SUPT16H: variants seen among roughly 807,000 people sequenced by gnomAD.
SUPT16H encodes SPT16 homolog, facilitates chromatin remodeling subunit, also known as FACT complex subunit SPT16.
Under a neutral mutation model 136.2 loss-of-function variants are expected in SUPT16H, and 24 were observed. The observed-to-expected ratio is 0.18, with a 90% CI of 0.13 to 0.25. SUPT16H has a LOEUF of 0.25. Ranked by LOEUF, SUPT16H falls within the 10% of genes least tolerant of loss-of-function variation. The pLI, the probability that SUPT16H is intolerant of heterozygous loss-of-function variation, is 1.00. For synonymous variants in SUPT16H, 415 were observed against 428.2 expected, an observed-to-expected ratio of 0.97 and a Z score of 0.38; for missense variants, 623 against 1,270.2, an observed-to-expected ratio of 0.49 and a Z score of 7.74.
chr14:21,362,847 C>T lies in SUPT16H; in HGVS notation c.1612G>A (p.Val538Ile), dbSNP rs1886586442. The change falls in exon 14 of 26, where the codon GTA (valine) becomes ATA (isoleucine). Residue 538 changes from valine (V) to isoleucine (I), a missense_variant. By Grantham distance (29) the Val-to-Ile change is conservative. This residue lies in a region of SUPT16H where 62 missense variants were observed against 200.5 expected (regional missense o/e 0.31). Transcript: ENST00000216297. ...KIYIDKKYET[V>I]IMPVFGIATP... ...GCAATGCCAAACACGGGCATTATTA[C>T]AGTCTCATATTTCTTATCGATGTAG... 1 of 1,613,434 alleles carries T rather than the reference C, an allele frequency of 6.2e-7. No homozygotes were observed. Among genetic ancestry groups the T allele is most frequent in the Non-Finnish European group, 8.5e-7 (1 of 1,179,896 alleles).
At chr14:21,377,081 A>G (rs1886918680) in intron 1 of SUPT16H, among the ~76,000 whole-genome samples, 1 of 151,558 alleles carries the variant, frequency 6.6e-6, no homozygotes, top group African/African-American at 2.4e-5. Flanking sequence ...AAAAAGAAAA[A>G]AAAAAAAAAA....
intron 7 of SUPT16H, among the ~76,000 whole-genome samples, chr14:21,367,771 C>T (rs769421999): frequency 6.6e-6 from 1 of 152,220 alleles, no homozygotes; most frequent in Non-Finnish European, 1.5e-5. Context: ...ATGTAAACCA[C>T]AATGATCACT....
In SUPT16H at chr14:21,355,379, G is replaced by C. The variant is rs9944050; in HGVS notation, c.2661-839C>G. ...ATGGTAGCACGCGCCTGTAGTCCCA[G>C]CTACTTGGGAGGCTGAAGCAGGAGA... On this transcript the variant is annotated intron_variant, in intron 22 of 25. Transcript: ENST00000216297. Among the ~76,000 whole-genome samples, 549 of 152,092 alleles carry C rather than the reference G, an allele frequency of 3.6e-3. 6 individuals are homozygous for C. Among genetic ancestry groups the C allele is most frequent in the African/African-American group, 0.012 (503 of 41,498 alleles).
At chr14:21,372,101 C>A in intron 2 of SUPT16H, 57 bp from the exon 3 acceptor site, 1 of 1,526,730 alleles carries the variant, frequency 6.5e-7, no homozygotes, top group South Asian at 1.2e-5. Flanking sequence ...TTAATGGACT[C>A]ATATAGATAT....
In SUPT16H at chr14:21,352,807, T is replaced by C; in HGVS notation, c.3010A>G (p.Ser1004Gly). 6.2e-7 allele frequency: 1 copy of C among 1,614,074 alleles called. No homozygotes were observed. The highest frequency in any genetic ancestry group is 8.5e-7 in the Non-Finnish European group (1 of 1,179,996). The change falls in exon 26 of 26, where the codon AGT becomes GGT. Residue 1004 changes from serine to glycine, a missense_variant. Physicochemically the swap from Ser to Gly is moderately conservative, Grantham distance 56 (BLOSUM62 0). Coordinates refer to ENST00000216297, the MANE Select transcript of SUPT16H (RefSeq NM_007192.4). ...EEEARKADRESRYEEEEEQSR... is the reference protein window; with the variant it reads ...EEEARKADREGRYEEEEEQSR... ...TGTTCTTCTTCTTCCTCGTAACGAC[T>C]TTCTCGGTCCGCTAAATAGAAGAGG...
intron 1 of SUPT16H, among the ~76,000 whole-genome samples, chr14:21,380,141 G>A (rs910678743): frequency 4.6e-5 from 7 of 151,762 alleles, no homozygotes; most frequent in Non-Finnish European, 8.8e-5. Flanking sequence ...CACTATATTC[G>A]GTATTATAAG....
intron 2 of SUPT16H, 108 bp from the exon 3 acceptor site, chr14:21,372,152 A>G: frequency 1.6e-6 from 2 of 1,268,826 alleles, no homozygotes; most frequent in Non-Finnish European, 2.1e-6. Context: ...TCTGAAATTA[A>G]CTCCAAGGTA....
At chr14:21,359,160 CTA>C (rs781209117) in intron 19 of SUPT16H, among the ~76,000 whole-genome samples, 25 of 151,836 alleles carry the variant, frequency 1.6e-4, no homozygotes, top group Non-Finnish European at 2.2e-4. Flanking sequence ...TGCAGTGGCG[CTA>C]TCTCAGCTCA....
Position 21,366,436 on chromosome 14 carries a change from T to C in SUPT16H, c.1046+3A>G. ...AAGAATGACAATAGACATCATGGCA[T>C]ACCCTAGGTTTTTGGTAATTTTGTT... On this transcript the variant is annotated splice_donor_region_variant and intron_variant, in intron 8 of 25. Transcript: ENST00000216297. 2 of 1,613,878 alleles carry C rather than the reference T, an allele frequency of 1.2e-6. No homozygotes were observed.
At chr14:21,364,693 G>T in intron 10 of SUPT16H, 134 bp downstream of exon 10, 1 of 678,374 alleles carries the variant, frequency 1.5e-6, no homozygotes, top group Non-Finnish European at 2.6e-6. Context: ...ATTCCTAGCT[G>T]CATTAGGTTA....
At position 21,360,966 on chromosome 14, in the gene SUPT16H, C is replaced by T. The variant is rs1240960339; in HGVS notation, c.1936G>A (p.Val646Ile). Reference protein sequence around the residue: ...EAEEKEKEGIVKQDSLVINLN... With the variant: ...EAEEKEKEGIIKQDSLVINLN... ...TTGATCACCAGTGAGTCTTGTTTTACAATCCCCTAAGCAAGAAGAAAATTA... is the reference window on the plus strand; with the variant it reads ...TTGATCACCAGTGAGTCTTGTTTTATAATCCCCTAAGCAAGAAGAAAATTA... The change falls in exon 17 of 26, where the codon GTA becomes ATA. Residue 646 changes from valine to isoleucine, a missense_variant. Around this residue, in one of 7 missense-constraint regions of SUPT16H, gnomAD observed 62 missense variants for 200.5 expected, o/e 0.31. Coordinates refer to ENST00000216297, the MANE Select transcript of SUPT16H (RefSeq NM_007192.4). 3 of 1,613,690 alleles carry T rather than the reference C, an allele frequency of 1.9e-6. No individual in the cohort carries two copies. The highest frequency in any genetic ancestry group is 2.2e-5 in the East Asian group (1 of 44,880).
At chr14:21,367,401 T>C (rs1451612076) in intron 7 of SUPT16H, among the ~76,000 whole-genome samples, 1 of 152,222 alleles carries the variant, frequency 6.6e-6, no homozygotes, top group African/African-American at 2.4e-5. Context: ...GGGTGAATTA[T>C]TGTTATGAGG....
At chr14:21,373,521 C>T (rs2139414886) in intron 1 of SUPT16H, 91 bp from the exon 2 acceptor site, 3 of 979,512 alleles carry the variant, frequency 3.1e-6, no homozygotes, top group Non-Finnish European at 4.9e-6. Flanking sequence ...GCATAATTTT[C>T]TCCTGATAGA....
At position 21,353,780 on chromosome 14, in the gene SUPT16H, A is replaced by G; in HGVS notation, c.2843T>C (p.Phe948Ser). Residue 948 changes from phenylalanine (F) to serine (S), a missense_variant, in exon 24 of 26, where the codon TTT becomes TCT. By Grantham distance (155) the Phe-to-Ser change is radical. Transcript: ENST00000216297. The stretch of plus-strand genomic sequence containing the variant: ...TTCATAGTCATCTTCTGAAGGATTA[A>G]AAGTCTCATCTTCAATTTCAGACTC... ...DSESEIEDETFNPSEDDYEEE... is the reference protein window; with the variant it reads ...DSESEIEDETSNPSEDDYEEE... 6.2e-7 allele frequency: 1 copy of G among 1,614,090 alleles called. No homozygotes were observed. Among genetic ancestry groups the G allele is most frequent in the Non-Finnish European group, 8.5e-7 (1 of 1,179,994 alleles).
intron 1 of SUPT16H, among the ~76,000 whole-genome samples, chr14:21,382,196 T>C (rs916117450): frequency 7.2e-5 from 11 of 152,228 alleles, no homozygotes; most frequent in African/African-American, 2.7e-4. Flanking sequence ...TTTTTCATAA[T>C]AGCCACAGGT....
At position 21,370,518 on chromosome 14, in the gene SUPT16H, A is replaced by G. The variant is rs540903683; in HGVS notation, c.331-30T>C. The G allele has an allele frequency of 6.2e-6, 10 of 1,611,320 alleles. No homozygotes were observed. In the African/African-American group the frequency reaches 6.7e-5, roughly 11 times the overall value. The stretch of plus-strand genomic sequence containing the variant: ...CAGTGTCATAGGGAAGAAAAGACAC[A>G]TATGTTTTACCAGTTCATTAGACAC... On this transcript the variant is annotated intron_variant, in intron 3 of 25. Transcript: ENST00000216297.
intron 1 of SUPT16H, among the ~76,000 whole-genome samples, chr14:21,377,049 A>C (rs1377970298): frequency 6.8e-6 from 1 of 148,096 alleles, no homozygotes; most frequent in Non-Finnish European, 1.5e-5. Context: ...CCTGGGCGAC[A>C]GTGAGACTGT....
rs1060614 is a variant in SUPT16H at position 21,362,872 on chromosome 14, G to A, written c.1587C>T (p.Ile529=). The change falls in exon 14 of 26, where the codon ATC becomes ATT. Residue 529 remains isoleucine (I), a synonymous_variant. Transcript: ENST00000216297. The part of the protein sequence containing the change: ...PKEPHIREMK[I]YIDKKYETVI... ...CAGTCTCATATTTCTTATCGATGTA[G>A]ATCTTCATTTCCCGAATATGTGGTT... 1 of 1,613,992 alleles carries A rather than the reference G, an allele frequency of 6.2e-7. No homozygotes were observed. The highest frequency in any genetic ancestry group is 8.5e-7 in the Non-Finnish European group (1 of 1,179,988).
At chr14:21,360,578 G>A (rs1217991663) in intron 17 of SUPT16H, 45 bp from the exon 18 acceptor site, 2 of 1,519,206 alleles carry the variant, frequency 1.3e-6, no homozygotes, top group Admixed American at 3.5e-5. Flanking sequence ...AATTAAGTTA[G>A]GCCAAAAGGC....
Sources: allele counts gnomAD v4.1 joint callset (sites outside exome capture counted in the v4.1 genomes callset), GRCh38; gene constraint gnomAD v4.1.1; regional missense constraint gnomAD v4.1.1; transcripts MANE v1.5; gene names NCBI Gene and HGNC (gene_info 2026-07-23, HGNC 2026-07-21).